ANKRD44: variants seen among roughly 807,000 people sequenced by gnomAD.
ANKRD44 encodes the protein ankyrin repeat domain 44, also known as serine/threonine-protein phosphatase 6 regulatory ankyrin repeat subunit B.
A neutral mutation model predicts 116.0 loss-of-function variants in ANKRD44; 35 were observed. The observed-to-expected ratio is 0.30, with a 90% CI of 0.23 to 0.40. The LOEUF is 0.40. Ranked by LOEUF, ANKRD44 falls within the 10% of genes least tolerant of loss-of-function variation. ANKRD44 has a pLI of 1.00. For missense variants in ANKRD44, 1,014 were observed against 1,242.6 expected, an observed-to-expected ratio of 0.82 and a Z score of 2.77; for synonymous variants, 435 against 461.8, an observed-to-expected ratio of 0.94 and a Z score of 0.74.
At chr2:197,035,715 C>G (rs1271329589) in intron 16 of ANKRD44, among the ~76,000 whole-genome samples, 1 of 152,034 alleles carries the variant, frequency 6.6e-6, no homozygotes, top group Non-Finnish European at 1.5e-5. Context: ...AAAAGCTATT[C>G]AGGCAACCTC....
chr2:197,247,677 G>T (rs2082222841), intron 1 of ANKRD44, among the ~76,000 whole-genome samples: 1 of 152,162 alleles, frequency 6.6e-6, no homozygotes. Context: ...GGAAACTGAG[G>T]TTTAAAGATG....
chr2:197,206,261 T>G (rs2081202481), intron 1 of ANKRD44, among the ~76,000 whole-genome samples: 1 of 152,196 alleles, frequency 6.6e-6, no homozygotes, highest in South Asian at 2.1e-4. Flanking sequence ...GAGCCCTTCT[T>G]ATGTGCTGGC....
At chr2:196,996,902 C>CAA (rs55760106) in intron 25 of ANKRD44, among the ~76,000 whole-genome samples, 5,595 of 86,716 alleles carry the variant, frequency 0.065, 393 homozygotes, top group African/African-American at 0.17. Context: ...GACTCTGCCT[C>CAA]AAAAAAAAAA....
chr2:197,288,490 G>A (rs773950981), intron 1 of ANKRD44, among the ~76,000 whole-genome samples: 5 of 152,166 alleles, frequency 3.3e-5, no homozygotes, highest in Non-Finnish European at 7.3e-5. Context: ...TTGGGCATCA[G>A]TCCAAAGGAA....
In ANKRD44 at chr2:197,265,240, T is replaced by C. The variant is rs577426934; in HGVS notation, c.27+45338A>G. 5.3e-5 allele frequency among the ~76,000 whole-genome samples: 8 copies of C among 151,562 alleles called. 1 individual carries two copies. The highest frequency in any genetic ancestry group is 1.7e-4 in the African/African-American group (7 of 41,344). On this transcript the variant is annotated intron_variant, in intron 1 of 27. Coordinates refer to ENST00000282272, the MANE Select transcript of ANKRD44 (RefSeq NM_001195144.2). ...GTAACAGCACTTTTTTTCTTTTTTT[T>C]TTTTTTTGGTGGGGAGGGGGTGGGG...
chr2:197,182,641 T>C (rs1407231633), intron 2 of ANKRD44, among the ~76,000 whole-genome samples: 1 of 151,870 alleles, frequency 6.6e-6, no homozygotes, highest in Non-Finnish European at 1.5e-5. Flanking sequence ...GGACATTGGT[T>C]CCAGGACCCC....
chr2:197,188,438 A>C (rs2080740389), intron 1 of ANKRD44, among the ~76,000 whole-genome samples: 1 of 152,192 alleles, frequency 6.6e-6, no homozygotes, highest in Admixed American at 6.5e-5. Context: ...TGTGGGGTAA[A>C]AGAGGAACAG....
intron 4 of ANKRD44, among the ~76,000 whole-genome samples, chr2:197,131,004 C>T (rs1169883772): frequency 1.3e-5 from 2 of 152,190 alleles, no homozygotes; most frequent in Non-Finnish European, 2.9e-5. Flanking sequence ...AAGCAGGCAG[C>T]TTCTCTAGTC....
At chr2:196,968,491 A>G (rs1270243191) in intron 21 of ANKRD44, among the ~76,000 whole-genome samples, 1 of 152,200 alleles carries the variant, frequency 6.6e-6, no homozygotes, top group Non-Finnish European at 1.5e-5. Flanking sequence ...AGTTTTGCCC[A>G]TTATAATACT....
At chr2:197,134,075 T>G (rs375021885) in intron 4 of ANKRD44, 1 of 146,562 alleles carries the variant, frequency 6.8e-6, no homozygotes, top group African/African-American at 2.5e-5. Context: ...TGTCTCAGCC[T>G]CCCGAGTAGC....
intron 1 of ANKRD44, among the ~76,000 whole-genome samples, chr2:197,294,843 A>G (rs1277151525): frequency 1.3e-5 from 2 of 152,196 alleles, no homozygotes; most frequent in African/African-American, 2.4e-5. Flanking sequence ...AGAAAATATT[A>G]AGATTTCTGT....
intron 1 of ANKRD44, among the ~76,000 whole-genome samples, chr2:197,188,122 T>A (rs952561370): frequency 2.0e-5 from 3 of 152,204 alleles, no homozygotes; most frequent in African/African-American, 7.2e-5. Flanking sequence ...TAAAAGTAAG[T>A]GGCACGATGG....
At chr2:197,007,744 TA>T in intron 20 of ANKRD44, 61 bp downstream of exon 20, 2 of 1,130,484 alleles carry the variant, frequency 1.8e-6, no homozygotes, top group Non-Finnish European at 2.6e-6. Context: ...AATTGTTTGC[TA>T]AAAAAGAAAA....
chr2:197,068,544 A>C (rs9712211), intron 16 of ANKRD44, among the ~76,000 whole-genome samples: 108,387 of 151,626 alleles, frequency 0.71, 40,346 homozygotes, highest in East Asian at 0.86. Flanking sequence ...GAATGGGAGA[A>C]AAATTTTGCA....
intron 18 of ANKRD44, among the ~76,000 whole-genome samples, chr2:197,009,369 G>C (rs2076256179): frequency 6.6e-6 from 1 of 151,924 alleles, no homozygotes; most frequent in Non-Finnish European, 1.5e-5. Flanking sequence ...TGGGATTACA[G>C]GCATGAGCCA....
At chr2:197,249,902 A>G (rs1169132984) in intron 1 of ANKRD44, among the ~76,000 whole-genome samples, 1 of 152,252 alleles carries the variant, frequency 6.6e-6, no homozygotes, top group Non-Finnish European at 1.5e-5. Flanking sequence ...AGGCTAATAG[A>G]AGAGTGCTGA....
intron 2 of ANKRD44, among the ~76,000 whole-genome samples, chr2:197,176,162 A>T (rs2080359494): frequency 6.6e-6 from 1 of 152,220 alleles, no homozygotes; most frequent in South Asian, 2.1e-4. Context: ...TTGGACTGTG[A>T]CACCATGGAG....
intron 1 of ANKRD44, among the ~76,000 whole-genome samples, chr2:197,228,506 G>C (rs1396347001): frequency 6.6e-6 from 1 of 152,168 alleles, no homozygotes; most frequent in African/African-American, 2.4e-5. Flanking sequence ...AGATCAGGTA[G>C]ACTGTGAGAG....
At chr2:197,160,387 G>T (rs1043907948) in intron 2 of ANKRD44, among the ~76,000 whole-genome samples, 4 of 152,088 alleles carry the variant, frequency 2.6e-5, no homozygotes, top group African/African-American at 9.7e-5. Flanking sequence ...GATCCTGGGG[G>T]GAACAAGTTT....
Sources: gnomAD v4.1 joint callset for allele counts (sites outside exome capture counted in the v4.1 genomes callset) on GRCh38, gnomAD v4.1.1 for gene constraint, MANE v1.5 for transcripts, NCBI Gene and HGNC (gene_info 2026-07-23, HGNC 2026-07-21) for gene names.